TNR: variants seen among roughly 807,000 people sequenced by gnomAD.
TNR encodes the protein tenascin-R.
Under a neutral mutation model 150.4 loss-of-function variants are expected in TNR, and 45 were observed. That is an observed-to-expected ratio of 0.30 (90% confidence interval 0.24 to 0.38). The LOEUF (loss-of-function observed/expected upper bound fraction) is 0.38. Among genes scored for constraint, TNR ranks in the 10% least tolerant of loss-of-function variants. The probability of loss-of-function intolerance (pLI) is 1.00; values close to 1 mark genes in which losing one functional copy is unlikely to be tolerated. For missense variants in TNR, 1,544 were observed against 1,759.1 expected, an observed-to-expected ratio of 0.88 and a Z score of 2.19; for synonymous variants, 687 against 678.4, an observed-to-expected ratio of 1.01 and a Z score of -0.20.
chr1:175,582,532 G>A (rs149522409), intron 1 of TNR, among the ~76,000 whole-genome samples: 1 of 152,250 alleles, frequency 6.6e-6, no homozygotes, highest in Non-Finnish European at 1.5e-5. Context: ...AAGTTTCAGT[G>A]GTAAGTATTG....
intron 1 of TNR, among the ~76,000 whole-genome samples, chr1:175,585,852 T>C (rs561406793): frequency 1.2e-4 from 19 of 152,280 alleles, no homozygotes; most frequent in African/African-American, 4.6e-4. Context: ...ATGAAGGGCC[T>C]AGAAAAGTTT....
At chr1:175,432,074 A>T in intron 2 of TNR, among the ~76,000 whole-genome samples, 2 of 152,120 alleles carry the variant, frequency 1.3e-5, no homozygotes, top group South Asian at 4.2e-4. Context: ...GGGGCCAGGG[A>T]TATGGGGTTG....
chr1:175,434,955 C>G (rs1362770076), intron 2 of TNR, among the ~76,000 whole-genome samples: 1 of 152,210 alleles, frequency 6.6e-6, no homozygotes, highest in Non-Finnish European at 1.5e-5. Flanking sequence ...CTCCTTTTCA[C>G]TCCCACAGCC....
intron 2 of TNR, among the ~76,000 whole-genome samples, chr1:175,524,286 C>G (rs771539796): frequency 6.6e-6 from 1 of 151,826 alleles, no homozygotes; most frequent in East Asian, 1.9e-4. Context: ...ATTTGTTGCA[C>G]GGGTAGGTAG....
At chr1:175,564,277 C>G (rs552037333) in intron 1 of TNR, among the ~76,000 whole-genome samples, 1 of 152,204 alleles carries the variant, frequency 6.6e-6, no homozygotes, top group Admixed American at 6.5e-5. Context: ...CTGACCACCC[C>G]AAGCAGGACG....
intron 1 of TNR, among the ~76,000 whole-genome samples, chr1:175,603,800 C>T (rs2101849363): frequency 6.6e-6 from 1 of 152,324 alleles, no homozygotes. Context: ...CCTCTGGCCT[C>T]TCACTGCCTC....
At chr1:175,731,797 G>A (rs1005946636) in intron 1 of TNR, among the ~76,000 whole-genome samples, 2 of 152,220 alleles carry the variant, frequency 1.3e-5, no homozygotes, top group East Asian at 3.9e-4. Context: ...CCCACCAACT[G>A]TTTCCGCTCA....
intron 18 of TNR, among the ~76,000 whole-genome samples, chr1:175,346,946 T>C (rs1368271889): frequency 6.6e-6 from 1 of 151,860 alleles, no homozygotes; most frequent in East Asian, 1.9e-4. Context: ...CTGTCTAGCT[T>C]TTTTTGTTTC....
chr1:175,391,090 T>C (rs1653144742), intron 7 of TNR, among the ~76,000 whole-genome samples, 198 bp downstream of exon 7: 1 of 152,174 alleles, frequency 6.6e-6, no homozygotes, highest in Non-Finnish European at 1.5e-5. Context: ...CAGATGACAG[T>C]ATTTGTAAGG....
At chr1:175,469,668 T>C (rs1657196941) in intron 2 of TNR, among the ~76,000 whole-genome samples, 1 of 151,858 alleles carries the variant, frequency 6.6e-6, no homozygotes, top group African/African-American at 2.4e-5. Context: ...AGTAAAGGGA[T>C]GAGAGATTGA....
intron 2 of TNR, among the ~76,000 whole-genome samples, chr1:175,496,167 C>T (rs1351975554): frequency 2.6e-5 from 4 of 152,010 alleles, no homozygotes; most frequent in Admixed American, 6.6e-5. Flanking sequence ...TTTTGAGTGC[C>T]GGATTCCCAC....
At chr1:175,354,597 G>A (rs1651230790) in intron 17 of TNR, 74 bp from the exon 18 acceptor site, 3 of 1,598,190 alleles carry the variant, frequency 1.9e-6, no homozygotes, top group Admixed American at 1.7e-5. Flanking sequence ...GGGAAGGGAA[G>A]TCCAAATCCC....
intron 2 of TNR, among the ~76,000 whole-genome samples, chr1:175,412,781 G>A (rs1654269419): frequency 6.6e-6 from 1 of 152,186 alleles, no homozygotes; most frequent in African/African-American, 2.4e-5. Context: ...AATGGCATGA[G>A]GTGCTCCACT....
intron 1 of TNR, among the ~76,000 whole-genome samples, chr1:175,680,494 A>G (rs1411616765): frequency 6.6e-6 from 1 of 152,204 alleles, no homozygotes; most frequent in Non-Finnish European, 1.5e-5. Context: ...AGAGACATAG[A>G]GAAGAGATGC....
chr1:175,432,433 C>A (rs1428048183), intron 2 of TNR, among the ~76,000 whole-genome samples: 3 of 152,240 alleles, frequency 2.0e-5, no homozygotes, highest in Non-Finnish European at 4.4e-5. Flanking sequence ...GCCCAGGCAG[C>A]AAAAGTCACC....
At chr1:175,460,249 G>C (rs943061680) in intron 2 of TNR, among the ~76,000 whole-genome samples, 1 of 152,088 alleles carries the variant, frequency 6.6e-6, no homozygotes, top group African/African-American at 2.4e-5. Flanking sequence ...GCCCAAGGTA[G>C]AGTGACCAGG....
At chr1:175,379,300 A>G (rs1487705226) in intron 9 of TNR, among the ~76,000 whole-genome samples, 1 of 152,168 alleles carries the variant, frequency 6.6e-6, no homozygotes, top group South Asian at 2.1e-4. Flanking sequence ...CAGAGGTTGC[A>G]GTGAGCTGAA....
intron 1 of TNR, among the ~76,000 whole-genome samples, chr1:175,591,513 C>T (rs535113252): frequency 3.3e-5 from 5 of 152,342 alleles, no homozygotes; most frequent in South Asian, 2.1e-4. Context: ...CTATCAATCA[C>T]CCAGTGCCTA....
intron 2 of TNR, among the ~76,000 whole-genome samples, chr1:175,512,440 A>G (rs921566378): frequency 3.9e-5 from 6 of 152,106 alleles, no homozygotes; most frequent in African/African-American, 1.4e-4. Flanking sequence ...CTCTTAGTAG[A>G]CTCTTTTGGT....
Sources: allele counts gnomAD v4.1 joint callset (sites outside exome capture counted in the v4.1 genomes callset), GRCh38; gene constraint gnomAD v4.1.1; transcripts MANE v1.5; gene names NCBI Gene and HGNC (gene_info 2026-07-23, HGNC 2026-07-21).